The following PCDHGB3 variants were observed in gnomAD, a reference collection of about 807,000 sequenced individuals.
The protein encoded by PCDHGB3 is protocadherin gamma-B3.
Under a neutral mutation model 59.2 loss-of-function variants are expected in PCDHGB3, and 40 were observed. The ratio of observed to expected loss-of-function variants is 0.68; its 90% CI spans 0.52 to 0.88. The LOEUF (loss-of-function observed/expected upper bound fraction) is 0.88, where lower values mean the gene tolerates loss of function less well. PCDHGB3 is among the 40% of genes least tolerant of loss of function. PCDHGB3 has a pLI of 0.00. For synonymous variants in PCDHGB3, 581 were observed against 503.6 expected (o/e 1.15, Z -2.06); for missense variants, 1,309 against 1,187.9 (o/e 1.10, Z -1.50).
chr5:141,485,003 A>G lies in PCDHGB3; in HGVS notation c.2416-9804A>G. On this transcript the variant is annotated intron_variant, in intron 1 of 3. Coordinates refer to ENST00000576222, the MANE Select transcript of PCDHGB3 (RefSeq NM_018924.5). The surrounding 1 kb of genome is among the most constrained non-coding windows in gnomAD (Gnocchi z 5.7). ...CAATCGGGTGGTGAAAGGCAGACAA[A>G]TCTACCCCGCCACCAGCAAAAACGG... 1 of 620,758 alleles carries G rather than the reference A, an allele frequency of 1.6e-6. No homozygotes were observed. The highest frequency in any genetic ancestry group is 2.0e-5 in the South Asian group (1 of 50,492). The allele number at this position is 620,758 out of a possible 1,614,324, so 38.5% of individuals were successfully genotyped here.
chr5:141,396,570 C>T (rs996384369), intron 1 of PCDHGB3: 5 of 150,662 alleles, frequency 3.3e-5, no homozygotes, highest in African/African-American at 1.2e-4. Flanking sequence ...CAGTGAGCCT[C>T]GATCCTGTCA....
chr5:141,413,140 A>T (rs2095607783), intron 1 of PCDHGB3: 1 of 1,563,150 alleles, frequency 6.4e-7, no homozygotes, highest in Non-Finnish European at 8.7e-7. Flanking sequence ...CAACGTGTCC[A>T]GTGAGGACTT....
intron 1 of PCDHGB3, chr5:141,422,210 T>C: frequency 6.4e-7 from 1 of 1,562,390 alleles, no homozygotes; most frequent in South Asian, 1.2e-5. Flanking sequence ...GGTGGAGGTC[T>C]CTTTACCACC....
At chr5:141,422,515 AGCCCGC>A in intron 1 of PCDHGB3, 1 of 1,614,044 alleles carries the variant, frequency 6.2e-7, no homozygotes, top group Non-Finnish European at 8.5e-7. Flanking sequence ...AGACCAGGGA[AGCCCGC>A]CTTTGTCTGC....
At chr5:141,474,159 G>A (rs2154571930) in intron 1 of PCDHGB3, among the ~76,000 whole-genome samples, 1 of 152,226 alleles carries the variant, frequency 6.6e-6, no homozygotes, top group South Asian at 2.1e-4. Context: ...GAAAATGACA[G>A]GCCTTATTAT....
In PCDHGB3 at chr5:141,476,499, TC is replaced by T; in HGVS notation, c.2416-18307del. 1 of 1,614,110 alleles carries T rather than the reference TC, an allele frequency of 6.2e-7. No individual in the cohort carries two copies. Among genetic ancestry groups the T allele is most frequent in the Non-Finnish European group, 8.5e-7 (1 of 1,180,020 alleles). ...AGCGTGGAAGTGGTGATCCAGGACATCAACGACAACAATCCTGCTTTCCCTA... is the reference window on the plus strand; with the variant it reads ...AGCGTGGAAGTGGTGATCCAGGACATAACGACAACAATCCTGCTTTCCCTA... On this transcript the variant is annotated intron_variant, in intron 1 of 3. Transcript: ENST00000576222. The surrounding 1 kb of genome is among the most constrained non-coding windows in gnomAD (Gnocchi z 7.6).
chr5:141,372,237 G>A lies in PCDHGB3; in HGVS notation c.1843G>A (p.Gly615Arg). The A allele has an allele frequency of 1.2e-6, 2 of 1,613,294 alleles. No homozygotes were observed. The highest frequency in any genetic ancestry group is 1.7e-6 in the Non-Finnish European group (2 of 1,179,804). The change falls in exon 1 of 4, where the codon GGG (glycine) becomes AGG (arginine). Residue 615 changes from glycine (G) to arginine (R), a missense_variant. Transcript: ENST00000576222. The part of the protein sequence containing the change: ...SYHIVQASEP[G>R]LFSLGLRTGE... The stretch of plus-strand genomic sequence containing the variant: ...CCACATTGTGCAGGCCAGCGAGCCC[G>A]GGCTGTTCAGCCTGGGCCTGCGCAC...
At chr5:141,397,241 A>G (rs907539043) in intron 1 of PCDHGB3, among the ~76,000 whole-genome samples, 1 of 152,232 alleles carries the variant, frequency 6.6e-6, no homozygotes, top group Admixed American at 6.5e-5. Context: ...AGAGCAACGT[A>G]GTAGGGTATA....
chr5:141,475,254 C>T (rs776471860), intron 1 of PCDHGB3, among the ~76,000 whole-genome samples: 9 of 152,208 alleles, frequency 5.9e-5, no homozygotes, highest in Admixed American at 1.3e-4. Flanking sequence ...TGCTCTACAA[C>T]TGAGATCATG....
At chr5:141,394,684 G>C in intron 1 of PCDHGB3, 1 of 1,612,090 alleles carries the variant, frequency 6.2e-7, no homozygotes, top group South Asian at 1.1e-5. Flanking sequence ...CTGCACACGG[G>C]CGAGGTGCGC....
At chr5:141,402,877 T>C in intron 1 of PCDHGB3, 3 of 1,469,748 alleles carry the variant, frequency 2.0e-6, no homozygotes, top group East Asian at 4.9e-5. Flanking sequence ...CACCATACTT[T>C]GCAGGGTGGA....
chr5:141,384,296 C>T (rs763513374), intron 1 of PCDHGB3: 5 of 1,613,712 alleles, frequency 3.1e-6, no homozygotes, highest in Middle Eastern at 1.6e-4. Flanking sequence ...GAGAACAACC[C>T]CAGAGGGGCC....
intron 1 of PCDHGB3, chr5:141,389,762 A>C (rs778570717): frequency 1.2e-6 from 2 of 1,612,968 alleles, no homozygotes; most frequent in Non-Finnish European, 1.7e-6. Flanking sequence ...AAGTGCGCAC[A>C]GCGCGTGCCT....
intron 1 of PCDHGB3, chr5:141,402,966 C>T (rs749578447): frequency 6.2e-7 from 1 of 1,606,060 alleles, no homozygotes; most frequent in Non-Finnish European, 8.5e-7. Flanking sequence ...GCAGCTCCAA[C>T]CAAATGCCAG....
intron 1 of PCDHGB3, among the ~76,000 whole-genome samples, chr5:141,484,184 AG>A (rs1328674334): frequency 6.6e-6 from 1 of 152,244 alleles, no homozygotes; most frequent in Non-Finnish European, 1.5e-5. Flanking sequence ...CAATCATTCA[AG>A]GAAGCTATTA....
chr5:141,489,563 T>C lies in PCDHGB3; in HGVS notation c.2416-5244T>C, dbSNP rs2099689031. ...ACCAGCTGCCTGCTGCCAGTGCAGG[T>C]GGTGACTGAACACCCCCTGGAGCTA... On this transcript the variant is annotated intron_variant, in intron 1 of 3. Coordinates refer to ENST00000576222, the MANE Select transcript of PCDHGB3 (RefSeq NM_018924.5). The surrounding 1 kb of genome is among the most constrained non-coding windows in gnomAD (Gnocchi z 4.5). 13 of 1,614,006 alleles carry C rather than the reference T, an allele frequency of 8.1e-6. No homozygotes were observed. The highest frequency in any genetic ancestry group is 1.1e-5 in the Non-Finnish European group (13 of 1,179,976).
At chr5:141,372,956 T>C in intron 1 of PCDHGB3, 147 bp downstream of exon 1, 1 of 730,732 alleles carries the variant, frequency 1.4e-6, no homozygotes, top group Non-Finnish European at 2.1e-6. Flanking sequence ...GGAAATTCTT[T>C]GTAGAATTTC....
At chr5:141,455,903 ATTTATTT>A (rs2098836354) in intron 1 of PCDHGB3, among the ~76,000 whole-genome samples, 1 of 145,228 alleles carries the variant, frequency 6.9e-6, no homozygotes, top group African/African-American at 2.7e-5. Context: ...TTATTTATTT[ATTTATTT>A]ATTTTGAGAC....
intron 2 of PCDHGB3, among the ~76,000 whole-genome samples, chr5:141,496,753 A>G (rs2099771084): frequency 6.6e-6 from 1 of 152,166 alleles, no homozygotes; most frequent in Admixed American, 6.5e-5. Flanking sequence ...TTCAACAAAT[A>G]TTTATCGAGC....
Sources: gnomAD v4.1 joint callset for allele counts (sites outside exome capture counted in the v4.1 genomes callset) on GRCh38, gnomAD v4.1.1 for gene constraint, Gnocchi (gnomAD v3.1) non-coding constraint, MANE v1.5 for transcripts, NCBI Gene and HGNC (gene_info 2026-07-23, HGNC 2026-07-21) for gene names.